Variants in ZFHX3 observed in about 807,000 individuals in gnomAD.
ZFHX3 encodes zinc finger homeobox protein 3.
In ZFHX3, 42 loss-of-function variants were observed where a neutral mutation model predicts 279.1. The ratio of observed to expected loss-of-function variants is 0.15; its 90% confidence interval spans 0.12 to 0.19. The LOEUF (loss-of-function observed/expected upper bound fraction) is 0.19, where lower values mean the gene tolerates loss of function less well. Ranked by LOEUF, ZFHX3 falls within the 10% of genes least tolerant of loss-of-function variation. The pLI, the probability that ZFHX3 is intolerant of heterozygous loss-of-function variation, is 1.00. For synonymous variants in ZFHX3, 2,293 were observed against 1,957.8 expected (o/e 1.17, Z -4.52); for missense variants, 4,981 against 4,754.0 (o/e 1.05, Z -1.40).
At chr16:73,222,755 A>T (rs1441682064) in intron 5 of ZFHX3, among the ~76,000 whole-genome samples, 1 of 152,144 alleles carries the variant, frequency 6.6e-6, no homozygotes, top group Non-Finnish European at 1.5e-5. Flanking sequence ...GACCAAGAAT[A>T]GCTAACATAA....
intron 3 of ZFHX3, among the ~76,000 whole-genome samples, chr16:73,445,004 AG>A (rs2018158323): frequency 6.8e-6 from 1 of 146,166 alleles, no homozygotes; most frequent in Non-Finnish European, 1.5e-5. Flanking sequence ...GTGTGGTGAC[AG>A]GGGCCTATAG....
intron 7 of ZFHX3, among the ~76,000 whole-genome samples, chr16:73,105,291 A>G (rs1966281213): frequency 1.3e-5 from 2 of 148,700 alleles, no homozygotes; most frequent in South Asian, 4.3e-4. Context: ...AGACACACAC[A>G]TACATATATA....
At chr16:72,895,163 T>C (rs1334584601) in intron 3 of ZFHX3, among the ~76,000 whole-genome samples, 1 of 152,164 alleles carries the variant, frequency 6.6e-6, no homozygotes, top group Non-Finnish European at 1.5e-5. Flanking sequence ...ACACACACTA[T>C]GCCCAACCCC....
rs535535663 is a variant in ZFHX3 at position 73,436,960 on chromosome 16, A to G, written c.-1291+19043T>C. ...CCACAGATGCCTTGAACTTGATTCAAGCTGGTCTTGCTTCTCTTAGATTGA... is the reference window on the plus strand; with the variant it reads ...CCACAGATGCCTTGAACTTGATTCAGGCTGGTCTTGCTTCTCTTAGATTGA... On this transcript the variant is annotated intron_variant, in intron 3 of 17. Transcript: ENST00000641206. 2.8e-3 allele frequency among the ~76,000 whole-genome samples: 431 copies of G among 152,256 alleles called. 8 individuals are homozygous for G. The highest frequency in any genetic ancestry group is 4.7e-4 in the Non-Finnish European group (32 of 68,022).
chr16:73,292,402 A>G (rs1346781991), intron 4 of ZFHX3, among the ~76,000 whole-genome samples: 2 of 152,222 alleles, frequency 1.3e-5, no homozygotes, highest in Non-Finnish European at 2.9e-5. Context: ...CCATGGCAGC[A>G]TTCTGTGGCT....
chr16:73,527,848 C>T (rs191694723), intron 2 of ZFHX3, among the ~76,000 whole-genome samples: 190 of 152,294 alleles, frequency 1.2e-3, no homozygotes, highest in African/African-American at 4.5e-3. Context: ...GAAATGATGG[C>T]CACAGCCAAC....
chr16:73,478,054 C>T (rs1197730408), intron 2 of ZFHX3, among the ~76,000 whole-genome samples: 2 of 151,988 alleles, frequency 1.3e-5, no homozygotes, highest in Non-Finnish European at 2.9e-5. Context: ...GGGCGGATCA[C>T]GAGGTCAAGA....
intron 2 of ZFHX3, among the ~76,000 whole-genome samples, chr16:73,582,933 G>A (rs974071791): frequency 1.3e-5 from 2 of 149,860 alleles, no homozygotes; most frequent in African/African-American, 2.5e-5. Flanking sequence ...GTGAAGCTCT[G>A]GTCATTGTTG....
intron 2 of ZFHX3, among the ~76,000 whole-genome samples, chr16:73,541,576 T>A (rs1019243935): frequency 3.9e-5 from 6 of 152,134 alleles, no homozygotes; most frequent in African/African-American, 1.2e-4. Context: ...ATTTGGCAGA[T>A]GACCTAGAGG....
rs754068909 is a variant in ZFHX3 at position 72,829,823 on chromosome 16, G to A, written c.3485C>T (p.Thr1162Ile). 1.2e-6 allele frequency: 2 copies of A among 1,614,220 alleles called. No homozygotes were observed. Among genetic ancestry groups the A allele is most frequent in the South Asian group, 2.2e-5 (2 of 91,084 alleles). ...AGCAAGCTCCTCTGGATCAGCAGCT[G>A]TTTCACTGGGTCCTTCAACATCTTC... ...AIEDVEGPSE[T>I]AADPEELAKD... The change falls in exon 5 of 10, where the codon ACA becomes ATA. Residue 1162 changes from threonine (T) to isoleucine (I), a missense_variant. Coordinates refer to ENST00000268489, the MANE Select transcript of ZFHX3 (RefSeq NM_006885.4).
At chr16:72,844,675 C>T (rs185252505) in intron 4 of ZFHX3, among the ~76,000 whole-genome samples, 7 of 152,206 alleles carry the variant, frequency 4.6e-5, no homozygotes, top group Admixed American at 3.9e-4. Flanking sequence ...GAAAATGCAC[C>T]GCAGCAGGAC....
chr16:72,832,214 T>C (rs1157431859), intron 4 of ZFHX3, among the ~76,000 whole-genome samples: 3 of 152,052 alleles, frequency 2.0e-5, no homozygotes, highest in African/African-American at 7.2e-5. Context: ...CACTAAAAAC[T>C]CACAGTCACC....
chr16:73,474,230 C>T (rs2018725300), intron 2 of ZFHX3, among the ~76,000 whole-genome samples: 1 of 152,150 alleles, frequency 6.6e-6, no homozygotes, highest in African/African-American at 2.4e-5. Context: ...TCACTGCAAC[C>T]TCCACCTCCC....
chr16:73,548,000 C>T (rs1213381946), intron 2 of ZFHX3, among the ~76,000 whole-genome samples: 2 of 152,148 alleles, frequency 1.3e-5, no homozygotes, highest in Admixed American at 1.3e-4. Context: ...TTGCAGAACC[C>T]CATTTTGGTT....
intron 5 of ZFHX3, among the ~76,000 whole-genome samples, chr16:73,185,836 A>G (rs1967896257): frequency 6.6e-6 from 1 of 152,084 alleles, no homozygotes; most frequent in Non-Finnish European, 1.5e-5. Flanking sequence ...GTACTGGTCC[A>G]TGGCCTGTCA....
chr16:73,320,515 T>C (rs1339196997), intron 3 of ZFHX3, among the ~76,000 whole-genome samples: 4 of 152,234 alleles, frequency 2.6e-5, no homozygotes, highest in African/African-American at 9.6e-5. Context: ...GAAATCGGGT[T>C]TCCTGTTTCC....
intron 5 of ZFHX3, among the ~76,000 whole-genome samples, chr16:73,146,273 C>CA (rs1966862619): frequency 3.9e-5 from 6 of 151,996 alleles, no homozygotes; most frequent in African/African-American, 1.5e-4. Context: ...ACTAAAAATA[C>CA]AAAAATTAAC....
At chr16:73,668,222 CAA>C (rs2052865319) in intron 2 of ZFHX3, among the ~76,000 whole-genome samples, 1 of 151,878 alleles carries the variant, frequency 6.6e-6, no homozygotes, top group East Asian at 1.9e-4. Flanking sequence ...TCCAGGAAGA[CAA>C]AGAAATGTAC....
rs1271218472 is a variant in ZFHX3 at position 72,975,509 on chromosome 16, G to A, written c.-49-15315C>T. ...GGGGGAAGAGAGGGGATCATGAAAC[G>A]TGATCACATGTCCCCTTCTTCATGG... On this transcript the variant is annotated intron_variant, in intron 1 of 9. Transcript: ENST00000268489. 6.6e-5 allele frequency among the ~76,000 whole-genome samples: 10 copies of A among 152,250 alleles called. No individual in the cohort carries two copies. In the South Asian group the frequency reaches 1.9e-3, roughly 28 times the overall value.
Sources: gnomAD v4.1 joint callset for allele counts (sites outside exome capture counted in the v4.1 genomes callset) on GRCh38, gnomAD v4.1.1 for gene constraint, MANE v1.5 for transcripts, NCBI Gene and HGNC (gene_info 2026-07-23, HGNC 2026-07-21) for gene names.